Variants in PARVB observed in about 807,000 individuals in gnomAD.
The protein encoded by PARVB is beta-parvin.
In PARVB, 46 loss-of-function variants were observed where a neutral mutation model predicts 47.0. That is an observed-to-expected ratio of 0.98 (90% CI 0.77 to 1.25). The LOEUF (loss-of-function observed/expected upper bound fraction) is 1.25, where lower values mean the gene tolerates loss of function less well. Ranked by LOEUF, PARVB falls within the 50% of genes most tolerant of loss-of-function variation. The pLI, the probability that PARVB is intolerant of heterozygous loss-of-function variation, is 0.00. For synonymous variants in PARVB, 196 were observed against 196.3 expected, an observed-to-expected ratio of 1.00 and a Z score of 0.01; for missense variants, 473 against 471.6, an observed-to-expected ratio of 1.00 and a Z score of -0.03.
At chr22:44,118,975 TG>T in intron 3 of PARVB, 62 bp from the exon 4 acceptor site, 1 of 1,122,724 alleles carries the variant, frequency 8.9e-7, no homozygotes, top group Non-Finnish European at 1.4e-6. Flanking sequence ...GCACTTTCCC[TG>T]GTCACTGCCT....
At chr22:44,065,858 C>CGT (rs2051510921) in intron 1 of PARVB, among the ~76,000 whole-genome samples, 5 of 109,794 alleles carry the variant, frequency 4.6e-5, no homozygotes, top group African/African-American at 1.2e-4. Flanking sequence ...TGTGTGTGTG[C>CGT]ATGTGTGTGT....
At chr22:44,046,499 C>G (rs1266227628) in intron 1 of PARVB, among the ~76,000 whole-genome samples, 1 of 152,212 alleles carries the variant, frequency 6.6e-6, no homozygotes, top group African/African-American at 2.4e-5. Context: ...TGGGAAAGAG[C>G]CCATGGCCCC....
rs545089033 is a variant in PARVB, at chr22:44,096,040, A to G, written c.202+2023A>G. Among the ~76,000 whole-genome samples the G allele has an allele frequency of 5.9e-5, 9 of 152,292 alleles. No individual in the cohort carries two copies. In the South Asian group the frequency reaches 1.9e-3, roughly 32 times the overall value. ...GGAGTTCGAAACCAGCCTGGCCAAC[A>G]TGGCAAAACCCTGTCTCTACTAAAA... On this transcript the variant is annotated intron_variant, in intron 2 of 12. Transcript: ENST00000338758.
intron 2 of PARVB, among the ~76,000 whole-genome samples, chr22:44,000,989 C>T (rs548007010): frequency 4.7e-4 from 72 of 152,362 alleles, no homozygotes; most frequent in Non-Finnish European, 8.7e-4. Flanking sequence ...TGGCCCATGC[C>T]TGTAATCCCA....
intron 1 of PARVB, among the ~76,000 whole-genome samples, chr22:44,079,016 C>T (rs747827505): frequency 6.6e-6 from 1 of 152,164 alleles, no homozygotes; most frequent in Non-Finnish European, 1.5e-5. Flanking sequence ...CGTGAGCCAC[C>T]GCGCCCGGCC....
At chr22:44,110,278 T>C (rs2052666607) in intron 3 of PARVB, 1 of 152,306 alleles carries the variant, frequency 6.6e-6, no homozygotes, top group Admixed American at 6.5e-5. Context: ...GAGACAGACC[T>C]GATAAGTGAA....
At chr22:44,035,672 T>C (rs527291112) in intron 1 of PARVB, among the ~76,000 whole-genome samples, 13 of 152,162 alleles carry the variant, frequency 8.5e-5, no homozygotes, top group African/African-American at 2.9e-4. Flanking sequence ...CGCCCGTCCG[T>C]CAAGGCTTCT....
chr22:44,140,382 G>C (rs2053528063), intron 8 of PARVB: 2 of 719,528 alleles, frequency 2.8e-6, no homozygotes, highest in Admixed American at 1.9e-5. Context: ...GGAAGGCTGG[G>C]TGACCAGCTA....
chr22:44,161,308 C>CTTTTTTTTT (rs769442547), intron 11 of PARVB, among the ~76,000 whole-genome samples: 6 of 128,684 alleles, frequency 4.7e-5, no homozygotes, highest in Non-Finnish European at 8.1e-5. Flanking sequence ...TTTTTCTTTT[C>CTTTTTTTTT]TTTTTTTTTT....
Position 44,032,512 on chromosome 22 carries a change from C to T in PARVB, c.112+8061C>T, listed in dbSNP as rs530216688. 5.3e-5 allele frequency among the ~76,000 whole-genome samples: 8 copies of T among 152,166 alleles called. 1 individual carries two copies. Among genetic ancestry groups the T allele is most frequent in the Admixed American group, 3.9e-4 (6 of 15,286 alleles). The stretch of plus-strand genomic sequence containing the variant: ...GAGTTTGCCCTGGTTCTGAGAATGC[C>T]CGTCGCGGTGGTGCAGTCCGCCTCC... On this transcript the variant is annotated intron_variant, in intron 1 of 12. Coordinates refer to ENST00000338758, the MANE Select transcript of PARVB (RefSeq NM_013327.5).
Position 44,170,346 on chromosome 22 carries a change from C to A in PARVB, c.*1668C>A, listed in dbSNP as rs139099. On this transcript the variant is annotated 3_prime_UTR_variant, in exon 13 of 13. Coordinates refer to ENST00000338758, the MANE Select transcript of PARVB (RefSeq NM_013327.5). ...GGCTGCGGTCCTATTGGATTAGGGC[C>A]CACTTATATGACCTCATTTAATCTT... The A allele has an allele frequency of 0.037, 5,638 of 152,102 alleles. 145 individuals carry two copies. The highest frequency in any genetic ancestry group is 0.045 in the African/African-American group (1,886 of 41,472). The allele number at this position is 152,102 out of a possible 1,614,324, so 9.4% of individuals were successfully genotyped here.
At chr22:44,063,753 C>T (rs1206434338) in intron 1 of PARVB, among the ~76,000 whole-genome samples, 1 of 152,146 alleles carries the variant, frequency 6.6e-6, no homozygotes, top group Non-Finnish European at 1.5e-5. Context: ...AGGGCATGGT[C>T]TGTGCCCCTT....
intron 8 of PARVB, chr22:44,147,436 A>G: frequency 2.8e-6 from 1 of 351,602 alleles, no homozygotes; most frequent in Non-Finnish European, 5.6e-6. Flanking sequence ...GTGAGGCGTG[A>G]GCAGGACATG....
At chr22:44,136,883 A>G (rs1182728239) in intron 7 of PARVB, among the ~76,000 whole-genome samples, 1 of 152,198 alleles carries the variant, frequency 6.6e-6, no homozygotes, top group African/African-American at 2.4e-5. Flanking sequence ...CAGAGGTGGG[A>G]GCTACATCTT....
chr22:44,160,605 G>A (rs138681312), intron 11 of PARVB, among the ~76,000 whole-genome samples: 60 of 152,274 alleles, frequency 3.9e-4, no homozygotes, highest in Non-Finnish European at 6.2e-4. Context: ...TAGGCTCAGG[G>A]GACACTTCTC....
Position 44,158,025 on chromosome 22 carries a change from A to T in PARVB, c.887A>T (p.Glu296Val), listed in dbSNP as rs767531817. 78 of 1,613,974 alleles carry T rather than the reference A, an allele frequency of 4.8e-5. No homozygotes were observed. The highest frequency in any genetic ancestry group is 6.4e-5 in the Non-Finnish European group (76 of 1,179,962). ...VYLVLLMGLLEDYFVPLHHFY... is the reference protein window; with the variant it reads ...VYLVLLMGLLVDYFVPLHHFY... ...CTGGTTCTGCTCATGGGCCTTCTGG[A>T]AGACTACTTTGTTCCTCTCCACCAC... Residue 296 changes from glutamate to valine, a missense_variant, in exon 11 of 13, where the codon GAA becomes GTA. Physicochemically the swap from Glu to Val is moderately radical, Grantham distance 121 (BLOSUM62 -2). Coordinates refer to ENST00000338758, the MANE Select transcript of PARVB (RefSeq NM_013327.5).
chr22:44,145,375 C>G (rs913163468), intron 8 of PARVB: 1 of 152,322 alleles, frequency 6.6e-6, no homozygotes, highest in African/African-American at 2.4e-5. Flanking sequence ...TCTCTCTCTC[C>G]CCTAGGTCAG....
chr22:44,161,698 G>C (rs1166801091), intron 11 of PARVB, among the ~76,000 whole-genome samples: 2 of 152,154 alleles, frequency 1.3e-5, no homozygotes, highest in Non-Finnish European at 2.9e-5. Flanking sequence ...TATTCACCTC[G>C]TACAGGGCTG....
At chr22:43,999,437 A>G (rs762489026) in intron 1 of PARVB, 5 of 1,594,450 alleles carry the variant, frequency 3.1e-6, no homozygotes, top group East Asian at 2.2e-5. Context: ...AACAAAACGA[A>G]TGTTGTTAAA....
Sources: gnomAD v4.1 joint callset for allele counts (sites outside exome capture counted in the v4.1 genomes callset) on GRCh38, gnomAD v4.1.1 for gene constraint, MANE v1.5 for transcripts, NCBI Gene and HGNC (gene_info 2026-07-23, HGNC 2026-07-21) for gene names.